The following DTD1 variants were observed in gnomAD, a reference collection of about 807,000 sequenced individuals.
DTD1 encodes D-aminoacyl-tRNA deacylase 1.
A neutral mutation model predicts 25.6 loss-of-function variants in DTD1; 13 were observed. That is an observed-to-expected ratio of 0.51 (90% CI 0.33 to 0.81). The LOEUF (loss-of-function observed/expected upper bound fraction) is 0.81. DTD1 is among the 30% of genes least tolerant of loss of function. The probability of loss-of-function intolerance (pLI) is 0.02; values close to 1 mark genes in which losing one functional copy is unlikely to be tolerated. For synonymous variants in DTD1, 110 were observed against 103.6 expected, an observed-to-expected ratio of 1.06 and a Z score of -0.37; for missense variants, 193 against 266.4, an observed-to-expected ratio of 0.72 and a Z score of 1.92.
chr20:18,667,050 G>A (rs1306151574), intron 4 of DTD1, among the ~76,000 whole-genome samples: 5 of 152,126 alleles, frequency 3.3e-5, no homozygotes, highest in African/African-American at 1.2e-4. Flanking sequence ...CTTGTGATTT[G>A]CTTATGACCC....
intron 3 of DTD1, among the ~76,000 whole-genome samples, chr20:18,615,662 G>T (rs2060706336): frequency 6.6e-6 from 1 of 152,216 alleles, no homozygotes; most frequent in Admixed American, 6.5e-5. Context: ...TGGGCTCAGG[G>T]AAACATTCAC....
At chr20:18,729,464 T>G (rs2122503231) in intron 4 of DTD1, among the ~76,000 whole-genome samples, 1 of 152,318 alleles carries the variant, frequency 6.6e-6, no homozygotes, top group East Asian at 1.9e-4. Flanking sequence ...TCAATTAAAT[T>G]TGCAGAAGTG....
chr20:18,593,780 G>A lies in DTD1; in HGVS notation c.93G>A (p.Leu31=), dbSNP rs1358152811. The A allele has an allele frequency of 6.2e-7, 1 of 1,614,022 alleles. No homozygotes were observed. Among genetic ancestry groups the A allele is most frequent in the Non-Finnish European group, 8.5e-7 (1 of 1,179,940 alleles). Residue 31 remains leucine, a synonymous_variant, in exon 2 of 6, where the codon CTG becomes CTA. Coordinates refer to ENST00000377452, the MANE Select transcript of DTD1 (RefSeq NM_080820.6). ...SAIGRGICVL[L]GISLEDTQKE... is the part of the protein sequence containing the mutation. ...TTGGAAGGGGCATATGTGTGTTGCTGGGTATTTCCCTGGAGGATACGCAGA... is the reference window on the plus strand; with the variant it reads ...TTGGAAGGGGCATATGTGTGTTGCTAGGTATTTCCCTGGAGGATACGCAGA...
intron 4 of DTD1, among the ~76,000 whole-genome samples, chr20:18,677,373 C>A (rs573310188): frequency 4.6e-5 from 7 of 151,748 alleles, no homozygotes; most frequent in African/African-American, 1.7e-4. Context: ...GGGAACAGTT[C>A]GTTGATGAGA....
intron 4 of DTD1, among the ~76,000 whole-genome samples, chr20:18,676,764 T>C (rs1223197970): frequency 1.3e-5 from 2 of 152,198 alleles, no homozygotes; most frequent in South Asian, 2.1e-4. Flanking sequence ...CTATCTGTTC[T>C]CAGCTCTGCC....
At chr20:18,594,717 A>ATACTATT (rs1371815434) in intron 2 of DTD1, among the ~76,000 whole-genome samples, 2 of 152,234 alleles carry the variant, frequency 1.3e-5, no homozygotes, top group African/African-American at 4.8e-5. Context: ...CTATCATTCA[A>ATACTATT]TACTATTTCA....
chr20:18,749,396 T>C lies in DTD1; in HGVS notation c.*19+5125T>C, dbSNP rs1398165579. Among the ~76,000 whole-genome samples, 1 of 152,002 alleles carries C rather than the reference T, an allele frequency of 6.6e-6. No individual in the cohort carries two copies. The highest frequency in any genetic ancestry group is 1.5e-5 in the Non-Finnish European group (1 of 67,988). On this transcript the variant is annotated intron_variant, in intron 5 of 5. Coordinates refer to ENST00000377452, the MANE Select transcript of DTD1 (RefSeq NM_080820.6). The surrounding 1 kb of genome is among the most constrained non-coding windows in gnomAD (Gnocchi z 4.2). ...GTGGAGGGTGTGGAGGAAAGCTGTG[T>C]TGGGTCTGTGGGCTGACTCTCGGTC...
intron 5 of DTD1, among the ~76,000 whole-genome samples, chr20:18,760,534 A>T (rs1600227686): frequency 6.6e-6 from 1 of 152,222 alleles, no homozygotes; most frequent in East Asian, 1.9e-4. Context: ...TCAGCAGTGG[A>T]GGCTGCAGAA....
intron 4 of DTD1, among the ~76,000 whole-genome samples, chr20:18,663,942 T>C (rs982248270): frequency 1.3e-5 from 2 of 152,116 alleles, no homozygotes; most frequent in Non-Finnish European, 2.9e-5. Context: ...TCCCATGACA[T>C]GTAGGGATTC....
chr20:18,593,018 C>G (rs1448419189), intron 1 of DTD1, among the ~76,000 whole-genome samples: 1 of 151,992 alleles, frequency 6.6e-6, no homozygotes, highest in African/African-American at 2.4e-5. Flanking sequence ...GAGGTATCGT[C>G]TAGTGGTAGT....
chr20:18,708,007 A>G (rs2061133286), intron 4 of DTD1, among the ~76,000 whole-genome samples: 1 of 150,380 alleles, frequency 6.6e-6, no homozygotes, highest in Non-Finnish European at 1.5e-5. Context: ...GGGCCCATGC[A>G]TTAGGGGATG....
chr20:18,704,190 C>T (rs868662819), intron 4 of DTD1, among the ~76,000 whole-genome samples: 20 of 151,912 alleles, frequency 1.3e-4, no homozygotes, highest in Admixed American at 6.6e-4. Flanking sequence ...TTAGTAGAGA[C>T]GGGGTTTCAC....
intron 4 of DTD1, among the ~76,000 whole-genome samples, chr20:18,652,206 A>G (rs1568659051): frequency 6.6e-6 from 1 of 152,256 alleles, no homozygotes. Context: ...GAGTCTTTGC[A>G]TAAACTTATA....
At chr20:18,667,147 A>G (rs1192290479) in intron 4 of DTD1, among the ~76,000 whole-genome samples, 1 of 152,178 alleles carries the variant, frequency 6.6e-6, no homozygotes, top group Non-Finnish European at 1.5e-5. Flanking sequence ...GGATCTGTGT[A>G]GTTTGCTTTT....
intron 3 of DTD1, among the ~76,000 whole-genome samples, chr20:18,599,392 C>T (rs1423806021): frequency 6.6e-6 from 1 of 152,048 alleles, no homozygotes; most frequent in Non-Finnish European, 1.5e-5. Flanking sequence ...CCAGGCTGGT[C>T]TCAAACTCCT....
chr20:18,599,261 G>C (rs999082747), intron 3 of DTD1, among the ~76,000 whole-genome samples: 7 of 151,002 alleles, frequency 4.6e-5, no homozygotes, highest in Non-Finnish European at 1.0e-4. Flanking sequence ...TGCAACCTCT[G>C]ACTCACGGGT....
chr20:18,725,869 C>G (rs1476980051), intron 4 of DTD1, among the ~76,000 whole-genome samples: 1 of 152,226 alleles, frequency 6.6e-6, no homozygotes, highest in Non-Finnish European at 1.5e-5. Flanking sequence ...ATTCCCAGGT[C>G]TTGGTGTCTG....
chr20:18,672,326 A>G (rs1355915118), intron 4 of DTD1, among the ~76,000 whole-genome samples: 1 of 152,240 alleles, frequency 6.6e-6, no homozygotes, highest in African/African-American at 2.4e-5. Context: ...TTATGAACCA[A>G]TTAAGTCCTT....
intron 4 of DTD1, among the ~76,000 whole-genome samples, chr20:18,672,446 AG>A (rs958784993): frequency 2.6e-5 from 4 of 151,502 alleles, no homozygotes; most frequent in African/African-American, 9.7e-5. Flanking sequence ...AGCTTTTTTC[AG>A]TTTTTTTTTT....
Sources: gnomAD v4.1 joint callset for allele counts (sites outside exome capture counted in the v4.1 genomes callset) on GRCh38, gnomAD v4.1.1 for gene constraint, Gnocchi (gnomAD v3.1) non-coding constraint, MANE v1.5 for transcripts, NCBI Gene and HGNC (gene_info 2026-07-23, HGNC 2026-07-21) for gene names.